The following ADAM10 variants were observed in gnomAD, a reference collection of about 807,000 sequenced individuals.
The protein encoded by ADAM10 is disintegrin and metalloproteinase domain-containing protein 10.
ADAM10 carries 17 observed loss-of-function variants against 90.1 expected under a neutral mutation model. That is an observed-to-expected ratio of 0.19 (90% CI 0.13 to 0.28). The LOEUF is 0.28. ADAM10 is among the 10% of genes least tolerant of loss of function. The pLI is 1.00. For missense variants in ADAM10, 610 were observed against 914.3 expected (o/e 0.67, Z 4.29); for synonymous variants, 310 against 298.6 (o/e 1.04, Z -0.40).
intron 8 of ADAM10, among the ~76,000 whole-genome samples, chr15:58,635,050 G>T (rs1326881127): frequency 1.3e-5 from 2 of 151,558 alleles, no homozygotes; most frequent in Non-Finnish European, 2.9e-5. Context: ...AAAGAAAAAT[G>T]TGTTTCAAAG....
intron 1 of ADAM10, among the ~76,000 whole-genome samples, chr15:58,742,911 T>C (rs1400532747): frequency 6.6e-6 from 1 of 151,998 alleles, no homozygotes; most frequent in Non-Finnish European, 1.5e-5. Context: ...ATCAAAAAAT[T>C]AACCAGGCAT....
intron 15 of ADAM10, among the ~76,000 whole-genome samples, chr15:58,598,124 G>A (rs1188552208): frequency 6.6e-6 from 1 of 152,150 alleles, no homozygotes; most frequent in Admixed American, 6.6e-5. Context: ...TGCCTACACT[G>A]TAAAACAAGG....
chr15:58,665,833 T>A (rs764821309), intron 4 of ADAM10, among the ~76,000 whole-genome samples: 6 of 152,082 alleles, frequency 3.9e-5, no homozygotes, highest in Non-Finnish European at 8.8e-5. Context: ...CCTGACTTAC[T>A]GTCAGTCTCT....
At chr15:58,741,927 C>G (rs1342136355) in intron 1 of ADAM10, among the ~76,000 whole-genome samples, 1 of 152,160 alleles carries the variant, frequency 6.6e-6, no homozygotes, top group African/African-American at 2.4e-5. Flanking sequence ...CACAGACTAT[C>G]GATTCCAGGC....
intron 4 of ADAM10, among the ~76,000 whole-genome samples, chr15:58,678,108 T>A (rs1358936251): frequency 1.3e-5 from 2 of 152,084 alleles, no homozygotes; most frequent in Admixed American, 1.3e-4. Flanking sequence ...AATCAAATAG[T>A]GGTGAATGAA....
intron 2 of ADAM10, chr15:58,698,406 T>TAAA (rs56797082): frequency 0.14 from 27,101 of 200,148 alleles, 2,419 homozygotes; most frequent in East Asian, 0.27. Context: ...ACCCCATCTC[T>TAAA]AAAAAAAAAA....
chr15:58,672,391 C>T (rs1897213063), intron 4 of ADAM10: 1 of 154,684 alleles, frequency 6.5e-6, no homozygotes, highest in African/African-American at 2.4e-5. Flanking sequence ...AAGCAGCACT[C>T]ATGCTTCAGT....
chr15:58,692,303 C>T (rs1233554255), intron 2 of ADAM10: 2 of 607,602 alleles, frequency 3.3e-6, no homozygotes, highest in Non-Finnish European at 6.5e-6. Context: ...TAGAATTCTC[C>T]ACACTCTTCC....
chr15:58,681,795 A>G (rs1897449847), intron 3 of ADAM10, among the ~76,000 whole-genome samples: 1 of 152,086 alleles, frequency 6.6e-6, no homozygotes, highest in African/African-American at 2.4e-5. Flanking sequence ...CCTACAGATG[A>G]CTCTGTCACA....
rs1894791391 is a variant in ADAM10 at position 58,589,960 on chromosome 15, A to C, written c.*7587T>G. The stretch of plus-strand genomic sequence containing the variant: ...GCAAATGAATGCAATGCAAAGCAAA[A>C]AATGAAAAAACATTTAAAAAAATAA... On this transcript the variant is annotated 3_prime_UTR_variant, in exon 16 of 16. Transcript: ENST00000260408. 6.6e-6 allele frequency: 1 copy of C among 152,250 alleles called. No individual in the cohort carries two copies. 9.4% of individuals were successfully genotyped at this position (152,250 alleles called of 1,614,324 possible). A position where few individuals can be genotyped will look rare whatever the true frequency, so the allele number is the denominator to read the frequency against.
At chr15:58,710,689 T>C (rs1454854541) in intron 2 of ADAM10, among the ~76,000 whole-genome samples, 1 of 149,462 alleles carries the variant, frequency 6.7e-6, no homozygotes, top group Admixed American at 6.7e-5. Flanking sequence ...GCTCAAATTT[T>C]GTTGGAAGAG....
intron 1 of ADAM10, chr15:58,748,033 G>A (rs1398669010): frequency 6.6e-6 from 1 of 151,338 alleles, no homozygotes. Flanking sequence ...AGATGAAAAA[G>A]GCTCCTCTAA....
intron 14 of ADAM10, among the ~76,000 whole-genome samples, chr15:58,601,718 A>T (rs1895117206): frequency 6.6e-6 from 1 of 152,164 alleles, no homozygotes; most frequent in Non-Finnish European, 1.5e-5. Flanking sequence ...ATCGTGTGCT[A>T]TATTTAGCCA....
chr15:58,740,167 C>T (rs915553522), intron 1 of ADAM10, among the ~76,000 whole-genome samples: 7 of 152,064 alleles, frequency 4.6e-5, no homozygotes, highest in Admixed American at 1.3e-4. Flanking sequence ...AATCCCAAAA[C>T]TTTGGGAGGC....
At position 58,592,916 on chromosome 15, in the gene ADAM10, G is replaced by A. The variant is rs1332553084; in HGVS notation, c.*4631C>T. 1 of 150,124 alleles carries A rather than the reference G, an allele frequency of 6.7e-6. No individual in the cohort carries two copies. Among genetic ancestry groups the A allele is most frequent in the Non-Finnish European group, 1.5e-5 (1 of 67,588 alleles). The allele number at this position is 150,124 out of a possible 1,614,324, so 9.3% of individuals were successfully genotyped here. A position where few individuals can be genotyped will look rare whatever the true frequency, so the allele number is the denominator to read the frequency against. On this transcript the variant is annotated 3_prime_UTR_variant, in exon 16 of 16. Coordinates refer to ENST00000260408, the MANE Select transcript of ADAM10 (RefSeq NM_001110.4). ...TAGGCTGAGGATTTTCCTAAGAATT[G>A]TTTAAAATTCTTTAGAATTGTTTAA...
chr15:58,739,898 C>T (rs1192843647), intron 1 of ADAM10, among the ~76,000 whole-genome samples: 1 of 152,172 alleles, frequency 6.6e-6, no homozygotes, highest in African/African-American at 2.4e-5. Context: ...TGAATGAAAA[C>T]GGGTGCATAA....
chr15:58,602,669 CTT>C (rs1202914601), intron 14 of ADAM10, among the ~76,000 whole-genome samples: 9 of 152,246 alleles, frequency 5.9e-5, no homozygotes, highest in South Asian at 2.1e-4. Context: ...TAAAATCAAA[CTT>C]AGAATGATTT....
Position 58,621,501 on chromosome 15 carries a change from T to C in ADAM10, c.1481A>G (p.Lys494Arg), listed in dbSNP as rs1369077624. ...CFDANQPEGR[K>R]CKLKPGKQCS... is the part of the protein sequence containing the mutation. ...CTGTTTCCCAGGTTTCAGTTTGCAT[T>C]TTCTTCCCTCTGGTTGATTTGCATC... The change falls in exon 11 of 16, where the codon AAA becomes AGA. Residue 494 changes from lysine to arginine, a missense_variant. Physicochemically the swap from Lys to Arg is conservative, Grantham distance 26. This residue lies in a region of ADAM10 where 53 missense variants were observed against 62.0 expected (regional missense o/e 0.85). Coordinates refer to ENST00000260408, the MANE Select transcript of ADAM10 (RefSeq NM_001110.4). 1 of 1,614,076 alleles carries C rather than the reference T, an allele frequency of 6.2e-7. No individual in the cohort carries two copies. The highest frequency in any genetic ancestry group is 1.3e-5 in the African/African-American group (1 of 75,032).
Position 58,610,308 on chromosome 15 carries a change from C to T in ADAM10, c.2014G>A (p.Glu672Lys). 6.2e-7 allele frequency: 1 copy of T among 1,613,890 alleles called. No individual in the cohort carries two copies. The highest frequency in any genetic ancestry group is 8.5e-7 in the Non-Finnish European group (1 of 1,179,752). Residue 672 changes from glutamate to lysine, a missense_variant, in exon 14 of 16, where the codon GAA (glutamate) becomes AAA (lysine). Transcript: ENST00000260408. ...FSPELYENIA[E>K]WIVAHWWAVL... The stretch of plus-strand genomic sequence containing the variant: ...AAAAACATACTTACCACAATCCATT[C>T]AGCAATGTTTTCATAGAGCTCTGGA...
Sources: allele counts gnomAD v4.1 joint callset (sites outside exome capture counted in the v4.1 genomes callset), GRCh38; gene constraint gnomAD v4.1.1; regional missense constraint gnomAD v4.1.1; transcripts MANE v1.5; gene names NCBI Gene and HGNC (gene_info 2026-07-23, HGNC 2026-07-21).